Variants in COLGALT2 observed in about 807,000 individuals in gnomAD.
COLGALT2 encodes the protein procollagen galactosyltransferase 2.
A neutral mutation model predicts 73.4 loss-of-function variants in COLGALT2; 49 were observed. The ratio of observed to expected loss-of-function variants is 0.67; its 90% confidence interval spans 0.53 to 0.85. The LOEUF is 0.85. Ranked by LOEUF, COLGALT2 falls within the 40% of genes least tolerant of loss-of-function variation. The probability of loss-of-function intolerance (pLI) is 0.00; values close to 1 mark genes in which losing one functional copy is unlikely to be tolerated. For synonymous variants in COLGALT2, 295 were observed against 307.6 expected (o/e 0.96, Z 0.43); for missense variants, 722 against 790.2 (o/e 0.91, Z 1.03).
intron 8 of COLGALT2, 133 bp downstream of exon 8, chr1:183,950,874 T>C: frequency 4.7e-6 from 3 of 642,126 alleles, no homozygotes; most frequent in Admixed American, 2.4e-5. Context: ...CTACTACAGG[T>C]GGCCGTTTTG....
At position 183,936,645 on chromosome 1, in the gene COLGALT2, C is replaced by T. The variant is rs778383657; in HGVS notation, c.*2116G>A. The T allele has an allele frequency of 8.2e-7, 1 of 1,219,378 alleles. No homozygotes were observed. Among genetic ancestry groups the T allele is most frequent in the Non-Finnish European group, 1.0e-6 (1 of 980,870 alleles). 75.5% of individuals were successfully genotyped at this position (1,219,378 alleles called of 1,614,324 possible). The stretch of plus-strand genomic sequence containing the variant: ...GTCATTAAAGTCATGCACACATGCA[C>T]ACACTCAAATATGAAAACAAAAACC... On this transcript the variant is annotated 3_prime_UTR_variant, in exon 12 of 12. Coordinates refer to ENST00000361927, the MANE Select transcript of COLGALT2 (RefSeq NM_015101.4).
intron 1 of COLGALT2, among the ~76,000 whole-genome samples, chr1:184,034,694 T>C (rs79700763): frequency 0.014 from 2,098 of 152,342 alleles, 51 homozygotes; most frequent in African/African-American, 0.046. Context: ...TAGGGTCATT[T>C]TGAAGCTTAA....
chr1:183,978,174 A>T (rs1416567734), intron 2 of COLGALT2, among the ~76,000 whole-genome samples: 1 of 152,230 alleles, frequency 6.6e-6, no homozygotes, highest in Non-Finnish European at 1.5e-5. Flanking sequence ...CTGTCATGGC[A>T]ATTTATTTAT....
chr1:184,023,657 G>A (rs918069697), intron 1 of COLGALT2, among the ~76,000 whole-genome samples: 1 of 148,596 alleles, frequency 6.7e-6, no homozygotes, highest in Non-Finnish European at 1.5e-5. Flanking sequence ...GGGGGGGGGC[G>A]GTGCCGGAAG....
chr1:183,939,084 C>T (rs764584803), intron 11 of COLGALT2, 47 bp from the exon 12 acceptor site: 1 of 1,483,088 alleles, frequency 6.7e-7, no homozygotes, highest in Admixed American at 1.7e-5. Flanking sequence ...GGAAAGGAGA[C>T]TTACGGAACA....
chr1:183,995,124 T>G (rs182190404), intron 1 of COLGALT2, among the ~76,000 whole-genome samples: 15 of 152,268 alleles, frequency 9.9e-5, no homozygotes, highest in African/African-American at 3.1e-4. Context: ...AACAATAACA[T>G]GAATACATAT....
intron 8 of COLGALT2, chr1:183,946,556 A>G (rs949594638): frequency 6.6e-6 from 1 of 152,254 alleles, no homozygotes; most frequent in Non-Finnish European, 1.5e-5. Flanking sequence ...ACCATGTGGT[A>G]TCTATAAGAG....
chr1:183,954,182 T>C (rs1260958898), intron 7 of COLGALT2, among the ~76,000 whole-genome samples: 1 of 152,232 alleles, frequency 6.6e-6, no homozygotes, highest in Non-Finnish European at 1.5e-5. Context: ...TGCTTCATTC[T>C]TTATACAACT....
At chr1:184,028,837 G>A (rs1649411228) in intron 1 of COLGALT2, among the ~76,000 whole-genome samples, 1 of 152,186 alleles carries the variant, frequency 6.6e-6, no homozygotes. Context: ...TGGAGGGAAG[G>A]AGATTATTTT....
chr1:184,013,783 G>C (rs1952248), intron 1 of COLGALT2, among the ~76,000 whole-genome samples: 1 of 152,078 alleles, frequency 6.6e-6, no homozygotes, highest in Admixed American at 6.6e-5. Flanking sequence ...CAATCCATTA[G>C]GAAATGGGAG....
At chr1:183,984,951 G>A (rs1330287111) in intron 1 of COLGALT2, among the ~76,000 whole-genome samples, 1 of 152,158 alleles carries the variant, frequency 6.6e-6, no homozygotes, top group East Asian at 1.9e-4. Context: ...ACAAAGAGCA[G>A]ACCAAGAAGT....
chr1:184,016,747 G>T (rs1458653003), intron 1 of COLGALT2, among the ~76,000 whole-genome samples: 4 of 152,172 alleles, frequency 2.6e-5, no homozygotes, highest in East Asian at 3.9e-4. Flanking sequence ...AATGAGAAAA[G>T]AAATTATAAT....
At position 184,005,146 on chromosome 1, in the gene COLGALT2, A is replaced by G. The variant is rs552960203; in HGVS notation, c.264-26626T>C. 1.8e-4 allele frequency among the ~76,000 whole-genome samples: 27 copies of G among 152,194 alleles called. No individual in the cohort carries two copies. The South Asian group carries it at 5.6e-3, about 32-fold the overall frequency. ...CCAGGACAAGGACCCAGAGCACGCTACTGAGCCGGGGCTCAGTCAACATCT... is the reference window on the plus strand; with the variant it reads ...CCAGGACAAGGACCCAGAGCACGCTGCTGAGCCGGGGCTCAGTCAACATCT... On this transcript the variant is annotated intron_variant, in intron 1 of 11. Coordinates refer to ENST00000361927, the MANE Select transcript of COLGALT2 (RefSeq NM_015101.4).
chr1:183,948,113 A>G (rs532113944), intron 8 of COLGALT2, among the ~76,000 whole-genome samples: 3 of 152,258 alleles, frequency 2.0e-5, no homozygotes, highest in African/African-American at 7.2e-5. Flanking sequence ...CCATAAAGAA[A>G]AGCCTAGAAC....
At chr1:183,957,154 G>GATAT (rs112660169) in intron 6 of COLGALT2, among the ~76,000 whole-genome samples, 290 of 151,536 alleles carry the variant, frequency 1.9e-3, no homozygotes, top group African/African-American at 6.6e-3. Flanking sequence ...TTCTGTGAGT[G>GATAT]ATATATATAT....
chr1:183,955,816 T>C (rs1352302677), intron 6 of COLGALT2, among the ~76,000 whole-genome samples: 3 of 152,238 alleles, frequency 2.0e-5, no homozygotes. Context: ...GTAATGGCCA[T>C]GACTACTGTA....
intron 1 of COLGALT2, among the ~76,000 whole-genome samples, chr1:183,988,659 G>A (rs1671552089): frequency 6.6e-6 from 1 of 152,106 alleles, no homozygotes; most frequent in Admixed American, 6.5e-5. Context: ...GTTGTAGCAC[G>A]TACCAGTACT....
At chr1:183,934,744 G>A (rs886084293), downstream of COLGALT2, among the ~76,000 whole-genome samples, 5 of 152,268 alleles carry the variant, frequency 3.3e-5, no homozygotes, top group East Asian at 1.9e-4. Flanking sequence ...AGTTACTAGC[G>A]GGAGGGATTT....
intron 2 of COLGALT2, among the ~76,000 whole-genome samples, chr1:183,978,132 G>A (rs145143621): frequency 2.3e-4 from 35 of 152,160 alleles, no homozygotes; most frequent in African/African-American, 8.4e-4. Flanking sequence ...TTTAAAATAT[G>A]AATAAATAAT....
Sources: allele counts gnomAD v4.1 joint callset (sites outside exome capture counted in the v4.1 genomes callset), GRCh38; gene constraint gnomAD v4.1.1; transcripts MANE v1.5; gene names NCBI Gene and HGNC (gene_info 2026-07-23, HGNC 2026-07-21).